SPICE1: variants seen among roughly 807,000 people sequenced by gnomAD.
The protein encoded by SPICE1 is spindle and centriole associated protein 1.
Under a neutral mutation model 102.7 loss-of-function variants are expected in SPICE1, and 75 were observed. The ratio of observed to expected loss-of-function variants is 0.73; its 90% CI spans 0.61 to 0.88. The LOEUF is 0.88. Among genes scored for constraint, SPICE1 ranks in the 40% least tolerant of loss-of-function variants. The pLI is 0.00. For synonymous variants in SPICE1, 308 were observed against 350.3 expected (o/e 0.88, Z 1.35); for missense variants, 979 against 1,020.1 (o/e 0.96, Z 0.55).
At chr3:113,445,432 A>C in intron 17 of SPICE1, 72 bp from the exon 18 acceptor site, 18 of 1,286,112 alleles carry the variant, frequency 1.4e-5, no homozygotes, top group Non-Finnish European at 1.7e-5. Context: ...TTTACAGATC[A>C]TTTAGACCAA....
Position 113,465,488 on chromosome 3 carries a change from TCC to T in SPICE1, c.1287+163_1287+164del, listed in dbSNP as rs1936032985. ...ACTTCCAAGCTTCTACTATAGTACT[TCC>T]ATGTAATAAATGTTCAATAATACCT... On this transcript the variant is annotated intron_variant, in intron 11 of 17. Transcript: ENST00000295872. Among the ~76,000 whole-genome samples, 4 of 152,310 alleles carry T rather than the reference TCC, an allele frequency of 2.6e-5. No homozygotes were observed. In the South Asian group the frequency reaches 8.3e-4, roughly 32 times the overall value.
chr3:113,460,872 C>T (rs1436519925), intron 11 of SPICE1, 108 bp from the exon 12 acceptor site: 45 of 957,404 alleles, frequency 4.7e-5, no homozygotes, highest in Non-Finnish European at 1.5e-6. Context: ...CATATCAATA[C>T]ATATCAAAGG....
At chr3:113,477,712 C>T (rs1261236348) in intron 7 of SPICE1, among the ~76,000 whole-genome samples, 2 of 146,914 alleles carry the variant, frequency 1.4e-5, no homozygotes, top group Non-Finnish European at 3.0e-5. Flanking sequence ...CGCATGTTCT[C>T]ACTCATAGGT....
intron 11 of SPICE1, among the ~76,000 whole-genome samples, chr3:113,464,260 T>C (rs896962965): frequency 6.7e-6 from 1 of 149,984 alleles, no homozygotes; most frequent in Non-Finnish European, 1.5e-5. Flanking sequence ...TTTGTTGTTT[T>C]TTTTTTTTTT....
Position 113,514,739 on chromosome 3 carries a change from C to G in SPICE1, c.-1+158G>C, listed in dbSNP as rs1364347357. On this transcript the variant is annotated intron_variant, in intron 1 of 17. Transcript: ENST00000295872. ...GTCCCAAAGCACCCTGGATAGTTTG[C>G]CTCTCTCCTGCTACACGGTGAACTC... The G allele has an allele frequency of 2.3e-6, 3 of 1,284,060 alleles. No homozygotes were observed. The Admixed American group carries it at 6.9e-5, about 29-fold the overall frequency. The allele number at this position is 1,284,060 out of a possible 1,614,324, so 79.5% of individuals were successfully genotyped here.
At position 113,450,360 on chromosome 3, in the gene SPICE1, G is replaced by A. The variant is rs1244536891; in HGVS notation, c.2299C>T (p.Gln767Ter). ...LNLSPPMSPV[Q>*]LPLRAWTEGA... is the part of the protein sequence containing the mutation. Reference sequence around the variant, plus strand: ...CCAGTCCATGCTCTGAGAGGTAACTGAACAGGTGACATTGGTGGAGAAAGA... The same window carrying A: ...CCAGTCCATGCTCTGAGAGGTAACTAAACAGGTGACATTGGTGGAGAAAGA... Residue 767 changes from glutamine to a stop codon, truncating the protein, a stop_gained, in exon 15 of 18, where the codon CAG (glutamine) becomes TAG (stop). Transcript: ENST00000295872. LOFTEE classifies it high-confidence loss of function. The A allele has an allele frequency of 6.2e-7, 1 of 1,614,060 alleles. No homozygotes were observed. The highest frequency in any genetic ancestry group is 2.2e-5 in the East Asian group (1 of 44,872).
At chr3:113,488,265 A>C (rs1367029866) in intron 7 of SPICE1, among the ~76,000 whole-genome samples, 1 of 152,196 alleles carries the variant, frequency 6.6e-6, no homozygotes, top group African/African-American at 2.4e-5. Context: ...TTAGGGATAA[A>C]GGAACATGAA....
intron 5 of SPICE1, among the ~76,000 whole-genome samples, chr3:113,493,661 CTA>C (rs1218088615): frequency 2.0e-5 from 3 of 152,160 alleles, no homozygotes; most frequent in Admixed American, 2.0e-4. Context: ...AAACAATGAA[CTA>C]CACACACATT....
At chr3:113,458,490 A>T (rs1338860006) in intron 12 of SPICE1, among the ~76,000 whole-genome samples, 1 of 152,230 alleles carries the variant, frequency 6.6e-6, no homozygotes, top group African/African-American at 2.4e-5. Flanking sequence ...CCGGGATTGC[A>T]GACGGAGTCT....
chr3:113,447,223 ATAATT>A (rs1162944353), intron 16 of SPICE1, among the ~76,000 whole-genome samples: 3 of 152,206 alleles, frequency 2.0e-5, no homozygotes, highest in African/African-American at 7.2e-5. Flanking sequence ...TAATACAAAT[ATAATT>A]TAATTTTTAG....
rs148566423 is a variant in SPICE1, at chr3:113,499,314, G to A, written c.291+125C>T. 3.1e-4 allele frequency: 330 copies of A among 1,078,462 alleles called. 1 individual carries two copies. The African/African-American group carries it at 4.6e-3, about 15-fold the overall frequency. The allele number at this position is 1,078,462 out of a possible 1,614,324, so 66.8% of individuals were successfully genotyped here. A position where few individuals can be genotyped will look rare whatever the true frequency, so the allele number is the denominator to read the frequency against. ...CTGTTGCTTTTTTTGAAGTCCACAT[G>A]TAGATTATTGAATAAGAATGCAGTG... On this transcript the variant is annotated intron_variant, in intron 4 of 17. Transcript: ENST00000295872.
Position 113,514,956 on chromosome 3 carries a change from G to C in SPICE1, c.-60C>G. ...TCCTGAAGTAAGGATTCCCCAACCG[G>C]GCGCCTGGATCCCAGGCAACAGACA... is the stretch of plus-strand genomic sequence containing the variant. On this transcript the variant is annotated 5_prime_UTR_variant, in exon 1 of 18. Coordinates refer to ENST00000295872, the MANE Select transcript of SPICE1 (RefSeq NM_144718.4). 1.1e-6 allele frequency: 1 copy of C among 910,978 alleles called. No homozygotes were observed. Among genetic ancestry groups the C allele is most frequent in the South Asian group, 1.8e-5 (1 of 56,220 alleles). The allele number at this position is 910,978 out of a possible 1,614,324, so 56.4% of individuals were successfully genotyped here.
intron 12 of SPICE1, 116 bp from the exon 13 acceptor site, chr3:113,457,473 T>C: frequency 1.0e-6 from 1 of 990,838 alleles, no homozygotes; most frequent in South Asian, 1.6e-5. Context: ...TGAATCAACA[T>C]AGCTCCTGGA....
intron 12 of SPICE1, among the ~76,000 whole-genome samples, 163 bp from the exon 13 acceptor site, chr3:113,457,520 C>G (rs1475915790): frequency 6.6e-6 from 1 of 152,202 alleles, no homozygotes; most frequent in Non-Finnish European, 1.5e-5. Context: ...CTCTGCCAAT[C>G]ATTCATGGGC....
At position 113,506,443 on chromosome 3, in the gene SPICE1, C is replaced by A. The variant is rs568760203; in HGVS notation, c.99+64G>T. On this transcript the variant is annotated intron_variant, in intron 2 of 17. Coordinates refer to ENST00000295872, the MANE Select transcript of SPICE1 (RefSeq NM_144718.4). The stretch of plus-strand genomic sequence containing the variant: ...AGAACACCATCTTGCATGACTAGGG[C>A]CATATCACTGTGTCCATTTCTCCAG... The A allele has an allele frequency of 3.9e-6, 5 of 1,281,050 alleles. No homozygotes were observed. In the Admixed American group the frequency reaches 5.5e-5, roughly 14 times the overall value. 79.4% of individuals were successfully genotyped at this position (1,281,050 alleles called of 1,614,324 possible).
At chr3:113,460,279 A>G (rs1203532507) in intron 12 of SPICE1, 14 of 968,766 alleles carry the variant, frequency 1.4e-5, no homozygotes, top group Non-Finnish European at 1.7e-5. Context: ...CTAGGTGTCC[A>G]GTTCTGCTAC....
In SPICE1 at chr3:113,453,625, T is replaced by C. The variant is rs1305721381; in HGVS notation, c.1983A>G (p.Ser661=). The C allele has an allele frequency of 1.2e-6, 2 of 1,614,102 alleles. No homozygotes were observed. Among genetic ancestry groups the C allele is most frequent in the Admixed American group, 1.7e-5 (1 of 60,010 alleles). Residue 661 remains serine (S), a synonymous_variant, in exon 14 of 18, where the codon TCA becomes TCG. Transcript: ENST00000295872. ...TCATTATGTCCTTTCTTTGTATTAA[T>C]GACTCATTTGTTCTCAGCTGCTGCC... The part of the protein sequence containing the change: ...GDGQQLRTNE[S]LIQRKDIMTR...
intron 7 of SPICE1, among the ~76,000 whole-genome samples, chr3:113,474,862 C>A (rs1275888368): frequency 6.6e-6 from 1 of 152,120 alleles, no homozygotes; most frequent in Non-Finnish European, 1.5e-5. Flanking sequence ...GACACCCTAA[C>A]ATCACAATTA....
Position 113,499,550 on chromosome 3 carries a change from A to G in SPICE1, c.180T>C (p.Asn60=). The change falls in exon 4 of 18, where the codon AAT becomes AAC. Residue 60 remains asparagine (N), a synonymous_variant. Transcript: ENST00000295872. ...VRRHEIHKSK[N]RALVHWELQE... is the part of the protein sequence containing the mutation. ...GGAGTTCCCAGTGTACTAATGCTCT[A>G]TTCTTCGATTTGTGTATTTCATGAC... is the stretch of plus-strand genomic sequence containing the variant. The G allele has an allele frequency of 1.2e-6, 2 of 1,611,832 alleles. No individual in the cohort carries two copies. The highest frequency in any genetic ancestry group is 1.7e-5 in the Admixed American group (1 of 59,626).
Sources: allele counts gnomAD v4.1 joint callset (sites outside exome capture counted in the v4.1 genomes callset), GRCh38; gene constraint gnomAD v4.1.1; transcripts MANE v1.5; gene names NCBI Gene and HGNC (gene_info 2026-07-23, HGNC 2026-07-21).